Variants in MYO18B observed in about 807,000 individuals in gnomAD.
MYO18B encodes the protein unconventional myosin-XVIIIb.
Under a neutral mutation model 273.0 loss-of-function variants are expected in MYO18B, and 204 were observed. That is an observed-to-expected ratio of 0.75 (90% confidence interval 0.67 to 0.84). The LOEUF is 0.84. Ranked by LOEUF, MYO18B falls within the 40% of genes least tolerant of loss-of-function variation. The pLI is 0.00. For missense variants in MYO18B, 3,212 were observed against 3,287.6 expected (o/e 0.98, Z 0.56); for synonymous variants, 1,330 against 1,305.7 (o/e 1.02, Z -0.40).
At chr22:26,046,549 T>C in the MYO18B span, among the ~76,000 whole-genome samples, 6 of 152,202 alleles carry the variant, frequency 3.9e-5, no homozygotes, top group Non-Finnish European at 7.3e-5. Flanking sequence ...AATAGGTCCA[T>C]TGCCCTCTGC....
intron 23 of MYO18B, 66 bp downstream of exon 23, chr22:25,874,480 G>A: frequency 5.2e-6 from 8 of 1,552,244 alleles, no homozygotes; most frequent in South Asian, 1.2e-5. Context: ...GGGTCTGCCT[G>A]TCTTTCAGGA....
Position 25,769,132 on chromosome 22 carries a change from G to A in MYO18B, c.1216G>A (p.Gly406Ser), listed in dbSNP as rs1222693645. The change falls in exon 4 of 44, where the codon GGT becomes AGT. Residue 406 changes from glycine to serine, a missense_variant. Coordinates refer to ENST00000335473, the MANE Select transcript of MYO18B (RefSeq NM_032608.7). ...GQPQGKSGNA[G>S]EARSQTEKGC... The stretch of plus-strand genomic sequence containing the variant: ...ACCCCAGGGTAAGTCCGGGAACGCA[G>A]GTGAAGCTCGGAGTCAGACAGAGAA... 2 of 1,613,520 alleles carry A rather than the reference G, an allele frequency of 1.2e-6. No individual in the cohort carries two copies. Among genetic ancestry groups the A allele is most frequent in the Non-Finnish European group, 1.7e-6 (2 of 1,179,778 alleles).
At chr22:25,996,716 T>C (rs564805288) in intron 40 of MYO18B, among the ~76,000 whole-genome samples, 1 of 152,138 alleles carries the variant, frequency 6.6e-6, no homozygotes, top group Non-Finnish European at 1.5e-5. Flanking sequence ...GAGGAAGGCA[T>C]TGGAATTAAG....
chr22:25,812,376 A>C (rs1364200595), intron 12 of MYO18B, among the ~76,000 whole-genome samples: 1 of 152,008 alleles, frequency 6.6e-6, no homozygotes, highest in East Asian at 1.9e-4. Flanking sequence ...CCTCCATCCC[A>C]GCTGCTTCCA....
chr22:25,788,740 GC>G (rs776135298), intron 11 of MYO18B, among the ~76,000 whole-genome samples: 1 of 151,946 alleles, frequency 6.6e-6, no homozygotes, highest in Non-Finnish European at 1.5e-5. Context: ...CTCCTAGCCA[GC>G]CCCCGTACTA....
intron 15 of MYO18B, among the ~76,000 whole-genome samples, chr22:25,832,433 T>C (rs1166625051): frequency 6.6e-6 from 1 of 152,192 alleles, no homozygotes; most frequent in Non-Finnish European, 1.5e-5. Context: ...GGAAGTATTA[T>C]TCAGCCTTCA....
chr22:25,997,399 G>A lies in MYO18B; in HGVS notation c.6287+4906G>A, dbSNP rs1452296192. Among the ~76,000 whole-genome samples, 4 of 140,328 alleles carry A rather than the reference G, an allele frequency of 2.9e-5. No homozygotes were observed. In the South Asian group the frequency reaches 7.1e-4, roughly 25 times the overall value. 92.1% of individuals were successfully genotyped at this position (140,328 alleles called of 152,430 possible). On this transcript the variant is annotated intron_variant, in intron 40 of 43. Coordinates refer to ENST00000335473, the MANE Select transcript of MYO18B (RefSeq NM_032608.7). ...TTAAGATTTCAAGACAGTAACACAAGAGCATTAAACCAAAATGCAGGCCCT... is the reference window on the plus strand; with the variant it reads ...TTAAGATTTCAAGACAGTAACACAAAAGCATTAAACCAAAATGCAGGCCCT...
chr22:25,985,624 G>A (rs1022582138), intron 39 of MYO18B, among the ~76,000 whole-genome samples: 14 of 151,452 alleles, frequency 9.2e-5, no homozygotes, highest in Non-Finnish European at 1.6e-4. Flanking sequence ...TTCACAGGGC[G>A]TTTTTTATTT....
intron 34 of MYO18B, among the ~76,000 whole-genome samples, chr22:25,925,339 T>A (rs2092404507): frequency 6.6e-6 from 1 of 151,748 alleles, no homozygotes; most frequent in South Asian, 2.1e-4. Context: ...TATTTATCCC[T>A]CAGAACACCC....
chr22:25,821,145 A>G (rs1335150968), intron 12 of MYO18B, among the ~76,000 whole-genome samples: 1 of 152,192 alleles, frequency 6.6e-6, no homozygotes, highest in Non-Finnish European at 1.5e-5. Context: ...TGGGGTACAG[A>G]TGTCTCTTTG....
At chr22:25,849,142 CTGGGCCTTTGCAGGCACCA>C (rs1244074680) in intron 20 of MYO18B, among the ~76,000 whole-genome samples, 4 of 152,226 alleles carry the variant, frequency 2.6e-5, no homozygotes, top group African/African-American at 9.6e-5. Context: ...GCAGGAAGTG[CTGGGCCTTTGCAGGCACCA>C]TGGGCCTGGG....
intron 34 of MYO18B, among the ~76,000 whole-genome samples, chr22:25,937,642 A>G (rs8135404): frequency 0.028 from 4,209 of 149,030 alleles, 182 homozygotes; most frequent in African/African-American, 0.099. Flanking sequence ...CTGGAGTGCA[A>G]TGGCGCCATC....
At chr22:25,851,185 A>G (rs943944702) in intron 20 of MYO18B, among the ~76,000 whole-genome samples, 35 of 152,338 alleles carry the variant, frequency 2.3e-4, no homozygotes, top group African/African-American at 6.7e-4. Context: ...GACATGGCTC[A>G]TGGACCTTCC....
chr22:25,854,466 C>G (rs2090511528), intron 21 of MYO18B, among the ~76,000 whole-genome samples: 1 of 152,044 alleles, frequency 6.6e-6, no homozygotes, highest in East Asian at 1.9e-4. Context: ...AACTCAGGCT[C>G]TCAGATTCCT....
the MYO18B span, among the ~76,000 whole-genome samples, chr22:26,059,561 A>G: frequency 6.6e-6 from 1 of 152,224 alleles, no homozygotes; most frequent in Non-Finnish European, 1.5e-5. Context: ...TCAGGTGCCC[A>G]TTGAGGATGC....
chr22:25,987,321 C>T lies in MYO18B; in HGVS notation c.6157-5042C>T, dbSNP rs60427831. On this transcript the variant is annotated intron_variant, in intron 39 of 43. Coordinates refer to ENST00000335473, the MANE Select transcript of MYO18B (RefSeq NM_032608.7). ...TAATTATCATATGAACTGCTTCTCA[C>T]ATGGGCAACTCTGTGATATGCTCCA... is the stretch of plus-strand genomic sequence containing the variant. 1.4e-3 allele frequency among the ~76,000 whole-genome samples: 212 copies of T among 152,306 alleles called. 4 individuals carry two copies. The South Asian group carries it at 0.025, about 18-fold the overall frequency.
At chr22:25,939,339 C>G (rs1191426852) in intron 34 of MYO18B, among the ~76,000 whole-genome samples, 1 of 152,218 alleles carries the variant, frequency 6.6e-6, no homozygotes, top group Non-Finnish European at 1.5e-5. Flanking sequence ...AAGATTATGT[C>G]TCTGCCACCT....
intron 34 of MYO18B, among the ~76,000 whole-genome samples, chr22:25,924,936 AT>A (rs2092398786): frequency 2.0e-5 from 3 of 152,190 alleles, no homozygotes; most frequent in Admixed American, 2.0e-4. Context: ...TAAGTGTGTT[AT>A]TTCAGAAAAT....
the MYO18B span, among the ~76,000 whole-genome samples, chr22:26,048,467 G>C: frequency 6.6e-6 from 1 of 152,034 alleles, no homozygotes; most frequent in Non-Finnish European, 1.5e-5. Context: ...TCTGAGGAAC[G>C]GGGGTGGGGT....
Sources: gnomAD v4.1 joint callset for allele counts (sites outside exome capture counted in the v4.1 genomes callset) on GRCh38, gnomAD v4.1.1 for gene constraint, MANE v1.5 for transcripts, NCBI Gene and HGNC (gene_info 2026-07-23, HGNC 2026-07-21) for gene names.